The following CNGA2 variants were observed in gnomAD, a reference collection of about 807,000 sequenced individuals.
CNGA2 encodes the protein cyclic nucleotide gated channel subunit alpha 2.
CNGA2 carries 22 observed loss-of-function variants against 35.9 expected under a neutral mutation model. The observed-to-expected ratio is 0.61, with a 90% CI of 0.44 to 0.88. CNGA2 has a LOEUF of 0.88. Among genes scored for constraint, CNGA2 ranks in the 40% least tolerant of loss-of-function variants. CNGA2 has a pLI of 0.00. For synonymous variants in CNGA2, 217 were observed against 209.2 expected, an observed-to-expected ratio of 1.04 and a Z score of -0.32; for missense variants, 555 against 530.8, an observed-to-expected ratio of 1.05 and a Z score of -0.45.
intron 4 of CNGA2, among the ~76,000 whole-genome samples, 175 bp downstream of exon 4, chrX:151,739,907 A>G (rs752767554): frequency 2.4e-4 from 27 of 112,602 alleles, no homozygotes; most frequent in Admixed American, 2.3e-3. Context: ...TTGTTTCCCC[A>G]ACAGCCAGTG....
At position 151,744,397 on chromosome X, in the gene CNGA2, C is replaced by T. The variant is rs149002674; in HGVS notation, c.1894C>T (p.Arg632Cys). 4.1e-6 allele frequency: 5 copies of T among 1,208,407 alleles called. No individual in the cohort carries two copies. Among genetic ancestry groups the T allele is most frequent in the South Asian group, 1.8e-5 (1 of 56,663 alleles). The change falls in exon 7 of 7, where the codon CGC (arginine) becomes TGC (cysteine). Residue 632 changes from arginine to cysteine, a missense_variant. Arg to Cys is a radical substitution (Grantham distance 180). Coordinates refer to ENST00000329903, the MANE Select transcript of CNGA2 (RefSeq NM_005140.3). ...YTGAQQKLKQ[R>C]ITVLETKMKQ... ...GGGGGCCCAGCAGAAGCTCAAGCAGCGCATCACAGTTCTGGAAACCAAGAT... is the reference window on the plus strand; with the variant it reads ...GGGGGCCCAGCAGAAGCTCAAGCAGTGCATCACAGTTCTGGAAACCAAGAT...
At chrX:151,738,951 T>A (rs753868032) in intron 3 of CNGA2, 72 bp downstream of exon 3, 2 of 849,764 alleles carry the variant, frequency 2.4e-6, no homozygotes, top group Non-Finnish European at 3.3e-6. Flanking sequence ...ACCACTGCCC[T>A]CCTCTTCACG....
At position 151,740,915 on chromosome X, in the gene CNGA2, G is replaced by A. The variant is rs1171525626; in HGVS notation, c.482+14G>A. 8.5e-7 allele frequency: 1 copy of A among 1,175,932 alleles called. No individual in the cohort carries two copies. Among genetic ancestry groups the A allele is most frequent in the Non-Finnish European group, 1.2e-6 (1 of 865,308 alleles). ...GCTGGTGGCCAGGTGAGCAGGGTGG[G>A]GCCCAGGAGGGGTGGCCAAAGCAAC... On this transcript the variant is annotated intron_variant, in intron 5 of 6. Transcript: ENST00000329903.
At position 151,743,556 on chromosome X, in the gene CNGA2, A is replaced by G; in HGVS notation, c.1053A>G (p.Leu351=). The stretch of plus-strand genomic sequence containing the variant: ...CCCCTGTAAAGGATGAGGAGTACCT[A>G]TTTGTCATCTTTGACTTCCTGATTG... ...TPPPVKDEEY[L]FVIFDFLIGV... is the part of the protein sequence containing the mutation. The change falls in exon 7 of 7, where the codon CTA becomes CTG. Residue 351 remains leucine (L), a synonymous_variant. Coordinates refer to ENST00000329903, the MANE Select transcript of CNGA2 (RefSeq NM_005140.3). 1 of 1,210,968 alleles carries G rather than the reference A, an allele frequency of 8.3e-7. No individual in the cohort carries two copies. Among genetic ancestry groups the G allele is most frequent in the Non-Finnish European group, 1.1e-6 (1 of 895,358 alleles).
At chrX:151,736,357 C>A (rs907482558) in intron 1 of CNGA2, among the ~76,000 whole-genome samples, 4 of 112,033 alleles carry the variant, frequency 3.6e-5, no homozygotes, top group Non-Finnish European at 7.5e-5. Context: ...TGAGACCAGT[C>A]CAGGGCCTTG....
chrX:151,740,203 A>T (rs768217419), intron 4 of CNGA2, among the ~76,000 whole-genome samples: 1 of 112,295 alleles, frequency 8.9e-6, no homozygotes, highest in African/African-American at 3.2e-5. Flanking sequence ...TTGTCTTTTG[A>T]GGAATGAGAA....
intron 1 of CNGA2, among the ~76,000 whole-genome samples, chrX:151,737,513 T>G (rs969713228): frequency 4.5e-5 from 5 of 111,380 alleles, no homozygotes; most frequent in African/African-American, 9.8e-5. Context: ...CTGAGTCCCA[T>G]TCAATCTCCT....
At position 151,738,793 on chromosome X, in the gene CNGA2, C is replaced by G. The variant is rs765658762; in HGVS notation, c.117C>G (p.His39Gln). Reference sequence around the variant, plus strand: ...TCTGCTCTTTTTTCTGCAGGCCACACTCTGCAGCTGACGATGACACCTCCT... The same window carrying G: ...TCTGCTCTTTTTTCTGCAGGCCACAGTCTGCAGCTGACGATGACACCTCCT... ...KDDHRTSSRP[H>Q]SAADDDTSSE... is the part of the protein sequence containing the mutation. Residue 39 changes from histidine to glutamine, a missense_variant, in exon 3 of 7, where the codon CAC (histidine) becomes CAG (glutamine). Coordinates refer to ENST00000329903, the MANE Select transcript of CNGA2 (RefSeq NM_005140.3). The G allele has an allele frequency of 4.3e-6, 5 of 1,169,441 alleles. No homozygotes were observed. In the South Asian group the frequency reaches 9.5e-5, roughly 22 times the overall value.
At position 151,738,493 on chromosome X, in the gene CNGA2, A is replaced by G. The variant is rs139232978; in HGVS notation, c.10A>G (p.Lys4Glu). 2.5e-6 allele frequency: 3 copies of G among 1,208,754 alleles called. No homozygotes were observed. The highest frequency in any genetic ancestry group is 3.5e-5 in the African/African-American group (2 of 57,010). MTE[K>E]TNGVKSSPAN... ...TGGTTGTACATGGAGGATGACCGAAAAAACCAATGGTGTGAAGAGCTCCCC... is the reference window on the plus strand; with the variant it reads ...TGGTTGTACATGGAGGATGACCGAAGAAACCAATGGTGTGAAGAGCTCCCC... Residue 4 changes from lysine (K) to glutamate (E), a missense_variant, in exon 2 of 7, where the codon AAA becomes GAA. Transcript: ENST00000329903.
rs771102269 is a variant in CNGA2 at position 151,743,670 on chromosome X, C to G, written c.1167C>G (p.Ile389Met). 1.3e-5 allele frequency: 16 copies of G among 1,209,563 alleles called. No homozygotes were observed. The African/African-American group carries it at 1.8e-4, about 13-fold the overall frequency. ...CCCGGGCAGAGTTCCAGGCTAAGAT[C>G]GATGCCGTGAAACACTACATGCAGT... The part of the protein sequence containing the change: ...NATRAEFQAK[I>M]DAVKHYMQFR... The change falls in exon 7 of 7, where the codon ATC becomes ATG. Residue 389 changes from isoleucine to methionine, a missense_variant. Coordinates refer to ENST00000329903, the MANE Select transcript of CNGA2 (RefSeq NM_005140.3).
chrX:151,735,041 C>G lies in CNGA2; in HGVS notation c.-27+98C>G, dbSNP rs143101791. Among the ~76,000 whole-genome samples the G allele has an allele frequency of 4.5e-5, 5 of 111,848 alleles. No individual in the cohort carries two copies. The East Asian group carries it at 1.1e-3, about 25-fold the overall frequency. On this transcript the variant is annotated intron_variant, in intron 1 of 6. Transcript: ENST00000329903. ...GCTATATGATGAACTTGTTCCTTCT[C>G]TCTCTGACTTGACTTCTCTAGGAAG...
In CNGA2 at chrX:151,743,156, C is replaced by A; in HGVS notation, c.653C>A (p.Thr218Asn). ...TKKLRDNYIHTLQFKLDVASI... is the reference protein window; with the variant it reads ...TKKLRDNYIHNLQFKLDVASI... ...AAACTGCGAGACAACTACATCCACA[C>A]CCTGCAGTTCAAGCTGGATGTGGCT... is the stretch of plus-strand genomic sequence containing the variant. Residue 218 changes from threonine to asparagine, a missense_variant, in exon 7 of 7, where the codon ACC (threonine) becomes AAC (asparagine). Thr to Asn is a moderately conservative substitution (Grantham distance 65, BLOSUM62 0). Transcript: ENST00000329903. 1 of 1,202,389 alleles carries A rather than the reference C, an allele frequency of 8.3e-7. No homozygotes were observed. Among genetic ancestry groups the A allele is most frequent in the Non-Finnish European group, 1.1e-6 (1 of 892,073 alleles).
intron 5 of CNGA2, 38 bp downstream of exon 5, chrX:151,740,939 A>G (rs2015299408): frequency 9.3e-7 from 1 of 1,077,503 alleles, no homozygotes; most frequent in Non-Finnish European, 1.3e-6. Flanking sequence ...GGCCAAAGCA[A>G]CCCAGTCTTC....
intron 1 of CNGA2, among the ~76,000 whole-genome samples, chrX:151,736,252 C>T (rs2015246765): frequency 8.9e-6 from 1 of 111,739 alleles, no homozygotes; most frequent in Non-Finnish European, 1.9e-5. Context: ...AATGTAAACC[C>T]TGGTGATCAT....
In CNGA2 at chrX:151,744,324, C is replaced by A. The variant is rs373994233; in HGVS notation, c.1821C>A (p.Asn607Lys). 8.3e-7 allele frequency: 1 copy of A among 1,208,908 alleles called. No homozygotes were observed. Among genetic ancestry groups the A allele is most frequent in the East Asian group, 3.0e-5 (1 of 33,719 alleles). Reference protein sequence around the residue: ...VQEKLGQLETNMETLYTRFGR... With the variant: ...VQEKLGQLETKMETLYTRFGR... ...AGAAGCTAGGGCAGCTGGAGACCAA[C>A]ATGGAAACCTTGTACACTCGCTTTG... The change falls in exon 7 of 7, where the codon AAC (asparagine) becomes AAA (lysine). Residue 607 changes from asparagine (N) to lysine (K), a missense_variant. Physicochemically the swap from Asn to Lys is moderately conservative, Grantham distance 94. Transcript: ENST00000329903.
At chrX:151,740,732 G>T (rs1309476100) in intron 4 of CNGA2, 62 bp from the exon 5 acceptor site, 28 of 894,913 alleles carry the variant, frequency 3.1e-5, no homozygotes, top group Non-Finnish European at 3.3e-6. Flanking sequence ...GTTTCTGGGA[G>T]CTGGGGTGCT....
intron 1 of CNGA2, among the ~76,000 whole-genome samples, chrX:151,737,706 G>A (rs973051461): frequency 3.6e-5 from 4 of 111,467 alleles, no homozygotes; most frequent in African/African-American, 9.8e-5. Context: ...CAGAGGAGAG[G>A]GCCCTCACTA....
chrX:151,739,509 C>T, intron 3 of CNGA2, 53 bp from the exon 4 acceptor site: 1 of 1,151,143 alleles, frequency 8.7e-7, no homozygotes, highest in Non-Finnish European at 1.2e-6. Context: ...CTGGTGCTTT[C>T]TGAACAGCAT....
chrX:151,744,878 T>A lies in CNGA2; in HGVS notation c.*380T>A, dbSNP rs1330814119. 4 of 169,760 alleles carry A rather than the reference T, an allele frequency of 2.4e-5. No individual in the cohort carries two copies. The highest frequency in any genetic ancestry group is 4.5e-5 in the Non-Finnish European group (4 of 89,742). The allele number at this position is 169,760 out of a possible 1,213,427, so 14.0% of individuals were successfully genotyped here. A position where few individuals can be genotyped will look rare whatever the true frequency, so the allele number is the denominator to read the frequency against. On this transcript the variant is annotated 3_prime_UTR_variant, in exon 7 of 7. Transcript: ENST00000329903. ...CTTTTTCCCTGCACACGCATGTACTTCGAGCACCGACTATAGACATTTAGA... is the reference window on the plus strand; with the variant it reads ...CTTTTTCCCTGCACACGCATGTACTACGAGCACCGACTATAGACATTTAGA...
Sources: allele counts gnomAD v4.1 joint callset (sites outside exome capture counted in the v4.1 genomes callset), GRCh38; gene constraint gnomAD v4.1.1; transcripts MANE v1.5; gene names NCBI Gene and HGNC (gene_info 2026-07-23, HGNC 2026-07-21).